Variants in CPNE8 observed in about 807,000 individuals in gnomAD.
CPNE8 encodes the protein copine 8, also known as copine-8.
In CPNE8, 45 loss-of-function variants were observed where a neutral mutation model predicts 81.5. The ratio of observed to expected loss-of-function variants is 0.55; its 90% CI spans 0.44 to 0.71. The LOEUF (loss-of-function observed/expected upper bound fraction) is 0.71. Ranked by LOEUF, CPNE8 falls within the 30% of genes least tolerant of loss-of-function variation. The probability of loss-of-function intolerance (pLI) is 0.00; values close to 1 mark genes in which losing one functional copy is unlikely to be tolerated. For synonymous variants in CPNE8, 252 were observed against 226.3 expected, an observed-to-expected ratio of 1.11 and a Z score of -1.02; for missense variants, 594 against 672.1, an observed-to-expected ratio of 0.88 and a Z score of 1.28.
At chr12:38,748,837 A>C (rs1565596541) in intron 10 of CPNE8, among the ~76,000 whole-genome samples, 2 of 152,220 alleles carry the variant, frequency 1.3e-5, no homozygotes, top group Non-Finnish European at 2.9e-5. Context: ...AAATATAAAA[A>C]TACCTATCTC....
intron 6 of CPNE8, among the ~76,000 whole-genome samples, chr12:38,809,165 T>A (rs575164772): frequency 1.3e-5 from 2 of 152,164 alleles, no homozygotes; most frequent in Non-Finnish European, 2.9e-5. Flanking sequence ...ATCTCACAGT[T>A]AGGAAGTCAG....
At chr12:38,880,352 C>A (rs1944134269) in intron 1 of CPNE8, among the ~76,000 whole-genome samples, 1 of 152,202 alleles carries the variant, frequency 6.6e-6, no homozygotes. Context: ...CACAAGCTTG[C>A]ACATAAGTGG....
At position 38,696,372 on chromosome 12, in the gene CPNE8, TAAA is replaced by T. The variant is rs58877067; in HGVS notation, c.962-2537_962-2535del. On this transcript the variant is annotated intron_variant, in intron 14 of 19. Coordinates refer to ENST00000331366, the MANE Select transcript of CPNE8 (RefSeq NM_153634.3). Reference sequence around the variant, plus strand: ...CTGTTATGGATCTTGTGTTCTATACTAAAAAAAAAAAAAAAATGGCAATTTAAA... The same window carrying T: ...CTGTTATGGATCTTGTGTTCTATACTAAAAAAAAAAAAATGGCAATTTAAA... 1.9e-3 allele frequency among the ~76,000 whole-genome samples: 268 copies of T among 138,838 alleles called. No individual in the cohort carries two copies. The Middle Eastern group carries it at 0.031, about 16-fold the overall frequency. 91.1% of individuals were successfully genotyped at this position (138,838 alleles called of 152,430 possible).
chr12:38,864,844 A>G (rs915426802), intron 3 of CPNE8, among the ~76,000 whole-genome samples: 1 of 152,222 alleles, frequency 6.6e-6, no homozygotes, highest in African/African-American at 2.4e-5. Flanking sequence ...ATGATTATAA[A>G]GGATCATATC....
chr12:38,679,427 C>A (rs1939363611), intron 16 of CPNE8, among the ~76,000 whole-genome samples: 1 of 151,796 alleles, frequency 6.6e-6, no homozygotes, highest in African/African-American at 2.4e-5. Context: ...CTTAAAAATT[C>A]ATAGAAATTT....
chr12:38,832,448 C>T (rs1943302930), intron 5 of CPNE8, among the ~76,000 whole-genome samples: 2 of 152,176 alleles, frequency 1.3e-5, no homozygotes, highest in East Asian at 3.9e-4. Flanking sequence ...ACATGAAAAG[C>T]ACAGACATCT....
intron 5 of CPNE8, among the ~76,000 whole-genome samples, chr12:38,829,815 T>C (rs1943255514): frequency 6.6e-6 from 1 of 152,152 alleles, no homozygotes; most frequent in Non-Finnish European, 1.5e-5. Context: ...GGAGACAAAA[T>C]GAGAAAGCCC....
intron 5 of CPNE8, among the ~76,000 whole-genome samples, chr12:38,834,573 G>A (rs1018487338): frequency 6.6e-6 from 1 of 152,062 alleles, no homozygotes; most frequent in Non-Finnish European, 1.5e-5. Context: ...ACCACCAAAG[G>A]TTGCTCACCC....
At chr12:38,904,654 A>T (rs1459012950) in intron 1 of CPNE8, among the ~76,000 whole-genome samples, 2 of 151,992 alleles carry the variant, frequency 1.3e-5, no homozygotes, top group Non-Finnish European at 2.9e-5. Context: ...TTTTTAGTAG[A>T]GACGGAGTTT....
At chr12:38,882,824 C>A (rs1026711976) in intron 1 of CPNE8, among the ~76,000 whole-genome samples, 2 of 152,174 alleles carry the variant, frequency 1.3e-5, no homozygotes, top group African/African-American at 4.8e-5. Flanking sequence ...ACTTCAGATT[C>A]TTTGCAGTCC....
At chr12:38,794,759 G>T (rs550044142) in intron 6 of CPNE8, among the ~76,000 whole-genome samples, 1 of 152,074 alleles carries the variant, frequency 6.6e-6, no homozygotes, top group Non-Finnish European at 1.5e-5. Flanking sequence ...AAAACAGTAT[G>T]AATGTGATGG....
chr12:38,890,175 T>TC (rs1944293693), intron 1 of CPNE8, among the ~76,000 whole-genome samples: 1 of 152,152 alleles, frequency 6.6e-6, no homozygotes, highest in Non-Finnish European at 1.5e-5. Flanking sequence ...TAATTTTCTT[T>TC]TTTTTTCCTA....
intron 15 of CPNE8, among the ~76,000 whole-genome samples, chr12:38,689,352 G>T (rs144805643): frequency 0.013 from 1,961 of 152,264 alleles, 29 homozygotes; most frequent in Middle Eastern, 0.041. Flanking sequence ...CTGAGGGTGT[G>T]GATTCATCTC....
At chr12:38,906,536 C>G (rs1944574175), upstream of CPNE8, 1 of 985,604 alleles carries the variant, frequency 1.0e-6, no homozygotes, top group African/African-American at 1.7e-5. Context: ...GATGTCACAA[C>G]CATATAACGC....
rs77251838 is a variant in CPNE8 at position 38,797,325 on chromosome 12, C to T, written c.408-21024G>A. On this transcript the variant is annotated intron_variant, in intron 6 of 19. Transcript: ENST00000331366. Reference sequence around the variant, plus strand: ...AGTAGGGGCAGACTGACACCTCACACGGCCAGGTACTCCTCTGAGACAAAA... The same window carrying T: ...AGTAGGGGCAGACTGACACCTCACATGGCCAGGTACTCCTCTGAGACAAAA... Among the ~76,000 whole-genome samples, 468 of 152,262 alleles carry T rather than the reference C, an allele frequency of 3.1e-3. 3 individuals are homozygous for T. The highest frequency in any genetic ancestry group is 0.011 in the African/African-American group (439 of 41,552).
chr12:38,708,730 C>G (rs572031508), intron 13 of CPNE8, among the ~76,000 whole-genome samples: 1 of 152,230 alleles, frequency 6.6e-6, no homozygotes, highest in South Asian at 2.1e-4. Context: ...GAATAATTTA[C>G]TAGCACAGCA....
chr12:38,823,223 C>T (rs1943134011), intron 6 of CPNE8, among the ~76,000 whole-genome samples: 1 of 152,194 alleles, frequency 6.6e-6, no homozygotes, highest in African/African-American at 2.4e-5. Flanking sequence ...CTTCCTTATT[C>T]TGAAGCTTCC....
intron 10 of CPNE8, among the ~76,000 whole-genome samples, chr12:38,731,884 A>C (rs78930524): frequency 0.012 from 1,768 of 152,058 alleles, 33 homozygotes; most frequent in African/African-American, 0.04. Context: ...GTGCAAGTAT[A>C]TACTCATGAT....
intron 11 of CPNE8, chr12:38,726,358 A>T (rs1476724070): frequency 6.6e-6 from 1 of 152,142 alleles, no homozygotes; most frequent in Non-Finnish European, 1.5e-5. Flanking sequence ...TCATCCATTC[A>T]TTCATTCCAC....
Sources: gnomAD v4.1 joint callset for allele counts (sites outside exome capture counted in the v4.1 genomes callset) on GRCh38, gnomAD v4.1.1 for gene constraint, MANE v1.5 for transcripts, NCBI Gene and HGNC (gene_info 2026-07-23, HGNC 2026-07-21) for gene names.